Variants in SLC6A9 observed in about 807,000 individuals in gnomAD.
SLC6A9 encodes sodium- and chloride-dependent glycine transporter 1.
In SLC6A9, 31 loss-of-function variants were observed where a neutral mutation model predicts 70.9. That is an observed-to-expected ratio of 0.44 (90% CI 0.33 to 0.59). The LOEUF is 0.59. Among genes scored for constraint, SLC6A9 ranks in the 20% least tolerant of loss-of-function variants. The pLI, the probability that SLC6A9 is intolerant of heterozygous loss-of-function variation, is 0.04. For synonymous variants in SLC6A9, 310 were observed against 341.3 expected (o/e 0.91, Z 1.01); for missense variants, 631 against 845.2 (o/e 0.75, Z 3.14).
intron 1 of SLC6A9, among the ~76,000 whole-genome samples, chr1:44,027,727 G>A (rs964836951): frequency 1.3e-5 from 2 of 152,196 alleles, no homozygotes; most frequent in Admixed American, 6.5e-5. Flanking sequence ...TGTAATCCTA[G>A]CACTTTGGGA....
intron 1 of SLC6A9, among the ~76,000 whole-genome samples, chr1:44,024,779 C>A (rs1006563305): frequency 1.2e-4 from 18 of 152,204 alleles, no homozygotes; most frequent in African/African-American, 4.3e-4. Context: ...CCTTTCCTAT[C>A]TGGGTGGCAC....
At chr1:44,022,023 G>A (rs1054637794) in intron 2 of SLC6A9, among the ~76,000 whole-genome samples, 2 of 152,246 alleles carry the variant, frequency 1.3e-5, no homozygotes, top group African/African-American at 4.8e-5. Context: ...CAGCAACAGT[G>A]GGCAAAAGCC....
chr1:44,010,944 G>C, intron 2 of SLC6A9, 62 bp from the exon 3 acceptor site: 2 of 1,567,452 alleles, frequency 1.3e-6, no homozygotes, highest in Non-Finnish European at 1.7e-6. Context: ...CTGACCCTCT[G>C]GGCCTCCCCC....
In SLC6A9 at chr1:44,017,368, AACACAC is replaced by A. The variant is rs3038812; in HGVS notation, c.31-6492_31-6487del. 115,719 of 816,814 alleles carry A rather than the reference AACACAC, an allele frequency of 0.14. 2,276 individuals carry two copies. Among genetic ancestry groups the A allele is most frequent in the African/African-American group, 0.2 (10,683 of 53,910 alleles). The allele number at this position is 816,814 out of a possible 1,614,324, so 50.6% of individuals were successfully genotyped here. ...CTTGTTCCCAGCAAGTAACTGGAACAACACACACACACACACACACACACACACACA... is the reference window on the plus strand; with the variant it reads ...CTTGTTCCCAGCAAGTAACTGGAACAACACACACACACACACACACACACA... On this transcript the variant is annotated intron_variant, in intron 2 of 13. Coordinates refer to ENST00000372310, the MANE Select transcript of SLC6A9 (RefSeq NM_001024845.3).
At position 44,010,037 on chromosome 1, in the gene SLC6A9, T is replaced by C. The variant is rs750464703; in HGVS notation, c.247A>G (p.Met83Val). The C allele has an allele frequency of 6.2e-7, 1 of 1,613,860 alleles. No individual in the cohort carries two copies. The highest frequency in any genetic ancestry group is 1.7e-5 in the Admixed American group (1 of 60,018). The change falls in exon 4 of 14, where the codon ATG becomes GTG. Residue 83 changes from methionine to valine, a missense_variant. Met to Val is a conservative substitution (Grantham distance 21). Coordinates refer to ENST00000372310, the MANE Select transcript of SLC6A9 (RefSeq NM_001024845.3). ...LIFCGIPLFFMELSFGQFASQ... is the reference protein window; with the variant it reads ...LIFCGIPLFFVELSFGQFASQ... ...GCAAACTGGCCGAAGGAGAGCTCCA[T>C]GAAGAAGAGGGGGATCCCGCAGAAG...
At chr1:44,030,741 G>A (rs1379642920) in intron 1 of SLC6A9, among the ~76,000 whole-genome samples, 2 of 152,226 alleles carry the variant, frequency 1.3e-5, no homozygotes, top group Non-Finnish European at 2.9e-5. Context: ...CACTGGAACC[G>A]GCACCGGGAG....
chr1:44,021,263 G>C (rs1180426507), intron 2 of SLC6A9, among the ~76,000 whole-genome samples: 2 of 151,978 alleles, frequency 1.3e-5, no homozygotes, highest in East Asian at 3.9e-4. Context: ...TCCCAGGCTT[G>C]GAGGCACCCT....
chr1:44,010,592 A>C, intron 3 of SLC6A9, 134 bp downstream of exon 3: 1 of 825,606 alleles, frequency 1.2e-6, no homozygotes, highest in Non-Finnish European at 1.9e-6. Flanking sequence ...TAAGCCAGGG[A>C]TGGGGGCGAA....
intron 2 of SLC6A9, among the ~76,000 whole-genome samples, chr1:44,017,850 A>C (rs2154306940): frequency 6.6e-6 from 1 of 152,344 alleles, no homozygotes; most frequent in Non-Finnish European, 1.5e-5. Flanking sequence ...ACAAAGGGGG[A>C]CTGTGGAATA....
At chr1:44,001,143 C>T (rs369240325) in intron 10 of SLC6A9, 21 bp downstream of exon 10, 1 of 1,614,234 alleles carries the variant, frequency 6.2e-7, no homozygotes, top group South Asian at 1.1e-5. Flanking sequence ...TGGGCCAGCC[C>T]TTCCCTTACG....
intron 2 of SLC6A9, among the ~76,000 whole-genome samples, chr1:44,021,626 G>A (rs530168372): frequency 5.9e-5 from 9 of 152,336 alleles, no homozygotes; most frequent in Admixed American, 3.3e-4. Flanking sequence ...CAGAAGCCAC[G>A]GAGAACTGGG....
chr1:44,010,046 G>T lies in SLC6A9; in HGVS notation c.238C>A (p.Leu80Ile), dbSNP rs201864670. The change falls in exon 4 of 14, where the codon CTC (leucine) becomes ATC (isoleucine). Residue 80 changes from leucine to isoleucine, a missense_variant. By Grantham distance (5) the Leu-to-Ile change is conservative. Coordinates refer to ENST00000372310, the MANE Select transcript of SLC6A9 (RefSeq NM_001024845.3). Reference sequence around the variant, plus strand: ...CCGAAGGAGAGCTCCATGAAGAAGAGGGGGATCCCGCAGAAGATGAGCATG... The same window carrying T: ...CCGAAGGAGAGCTCCATGAAGAAGATGGGGATCCCGCAGAAGATGAGCATG... Reference protein sequence around the residue: ...FIMLIFCGIPLFFMELSFGQF... With the variant: ...FIMLIFCGIPIFFMELSFGQF... The T allele has an allele frequency of 4.3e-6, 7 of 1,614,114 alleles. No individual in the cohort carries two copies. Among genetic ancestry groups the T allele is most frequent in the Non-Finnish European group, 5.9e-6 (7 of 1,179,974 alleles).
chr1:43,999,645 C>T (rs114598895), intron 12 of SLC6A9, among the ~76,000 whole-genome samples: 1,962 of 152,214 alleles, frequency 0.013, 45 homozygotes, highest in African/African-American at 0.045. Context: ...GTGGCCAGAG[C>T]GGGGAGCCTG....
intron 9 of SLC6A9, 34 bp from the exon 10 acceptor site, chr1:44,001,332 C>T: frequency 1.2e-6 from 2 of 1,614,048 alleles, no homozygotes; most frequent in Non-Finnish European, 1.7e-6. Context: ...GGAGACCTGC[C>T]CCTTGTTCCT....
Position 44,024,251 on chromosome 1 carries a change from C to G in SLC6A9, c.27G>C (p.Met9Ile), listed in dbSNP as rs1429873472. The G allele has an allele frequency of 1.2e-6, 2 of 1,614,250 alleles. No individual in the cohort carries two copies. The highest frequency in any genetic ancestry group is 2.2e-5 in the South Asian group (2 of 91,086). ...GCAGTCTGGCCTCTGTACTCACCAG[C>G]ATCCCTTTGGCACCTTTTCCTACCA... Reference protein sequence around the residue: MVGKGAKGMLNGAVPSEAT... With the variant: MVGKGAKGILNGAVPSEAT... The change falls in exon 2 of 14, where the codon ATG (methionine) becomes ATC (isoleucine). Residue 9 changes from methionine to isoleucine, a missense_variant. Coordinates refer to ENST00000372310, the MANE Select transcript of SLC6A9 (RefSeq NM_001024845.3).
rs2086817933 is a variant in SLC6A9, at chr1:44,018,517, C to T, written c.30+5731G>A. Among the ~76,000 whole-genome samples, 1 of 151,730 alleles carries T rather than the reference C, an allele frequency of 6.6e-6. No homozygotes were observed. Among genetic ancestry groups the T allele is most frequent in the African/African-American group, 2.4e-5 (1 of 41,276 alleles). Reference sequence around the variant, plus strand: ...GCTGAGGCGGGAGAATCGCTTGAACCCGGGAGGTGGAGGTTGCAGTGAGCC... The same window carrying T: ...GCTGAGGCGGGAGAATCGCTTGAACTCGGGAGGTGGAGGTTGCAGTGAGCC... On this transcript the variant is annotated intron_variant, in intron 2 of 13. Transcript: ENST00000372310. This position sits in a 1 kb window ranked among gnomAD's most constrained non-coding sequence, Gnocchi z 4.2.
chr1:44,007,799 T>C (rs2086372793), intron 5 of SLC6A9, among the ~76,000 whole-genome samples: 1 of 152,164 alleles, frequency 6.6e-6, no homozygotes, highest in South Asian at 2.1e-4. Context: ...GAGTCTCCTC[T>C]GAAGGCTGGT....
Position 44,002,246 on chromosome 1 carries a change from TG to T in SLC6A9, c.962+66del. 1 of 1,149,934 alleles carries T rather than the reference TG, an allele frequency of 8.7e-7. No individual in the cohort carries two copies. Among genetic ancestry groups the T allele is most frequent in the Non-Finnish European group, 1.3e-6 (1 of 757,672 alleles). 71.2% of individuals were successfully genotyped at this position (1,149,934 alleles called of 1,614,324 possible). ...AGGCCTCGTGGGCCCATGGCTGCAC[TG>T]GAGCTGAGATCAGGCTGCAGAGAGT... On this transcript the variant is annotated intron_variant, in intron 8 of 13. Transcript: ENST00000372310. This position sits in a 1 kb window ranked among gnomAD's most constrained non-coding sequence, Gnocchi z 5.5.
intron 1 of SLC6A9, among the ~76,000 whole-genome samples, chr1:44,030,245 G>C (rs1275958318): frequency 2.0e-5 from 3 of 152,188 alleles, no homozygotes; most frequent in East Asian, 1.9e-4. Context: ...AGAGAGATGT[G>C]GGGGCACGGG....
Sources: gnomAD v4.1 joint callset for allele counts (sites outside exome capture counted in the v4.1 genomes callset) on GRCh38, gnomAD v4.1.1 for gene constraint, Gnocchi (gnomAD v3.1) non-coding constraint, MANE v1.5 for transcripts, NCBI Gene and HGNC (gene_info 2026-07-23, HGNC 2026-07-21) for gene names.